Variants in XKR4 observed in about 807,000 individuals in gnomAD.
XKR4 encodes the protein XK related 4.
XKR4 carries 12 observed loss-of-function variants against 53.9 expected under a neutral mutation model. The observed-to-expected ratio is 0.22, with a 90% CI of 0.14 to 0.36. XKR4 has a LOEUF of 0.36. XKR4 is among the 10% of genes least tolerant of loss of function. XKR4 has a pLI of 1.00. For missense variants in XKR4, 799 were observed against 859.5 expected (o/e 0.93, Z 0.88); for synonymous variants, 354 against 362.4 (o/e 0.98, Z 0.26).
At chr8:55,306,685 C>T (rs1819305611) in intron 1 of XKR4, among the ~76,000 whole-genome samples, 1 of 152,194 alleles carries the variant, frequency 6.6e-6, no homozygotes, top group Non-Finnish European at 1.5e-5. Context: ...CCCACCAGGT[C>T]CCTCACACAG....
At chr8:55,188,217 A>C (rs916147271) in intron 1 of XKR4, among the ~76,000 whole-genome samples, 1 of 152,146 alleles carries the variant, frequency 6.6e-6, no homozygotes, top group Non-Finnish European at 1.5e-5. Flanking sequence ...TAATCTTTTA[A>C]AGTTGTTTAG....
chr8:55,351,155 G>A (rs564919774), intron 1 of XKR4, among the ~76,000 whole-genome samples: 7 of 151,884 alleles, frequency 4.6e-5, no homozygotes, highest in Non-Finnish European at 8.8e-5. Flanking sequence ...TAATTAGGAC[G>A]GTAAATTTTA....
intron 2 of XKR4, among the ~76,000 whole-genome samples, chr8:55,361,807 C>T (rs1340245232): frequency 2.0e-5 from 3 of 152,156 alleles, no homozygotes; most frequent in Non-Finnish European, 4.4e-5. Flanking sequence ...TCTCCCACCT[C>T]CAGGCCTTTG....
intron 1 of XKR4, among the ~76,000 whole-genome samples, chr8:55,130,008 G>C (rs957786531): frequency 6.6e-6 from 1 of 152,118 alleles, no homozygotes; most frequent in African/African-American, 2.4e-5. Flanking sequence ...GCGGAGGTGT[G>C]GGGTGTGGGT....
intron 2 of XKR4, among the ~76,000 whole-genome samples, chr8:55,432,705 A>G (rs1805119439): frequency 6.6e-6 from 1 of 152,154 alleles, no homozygotes; most frequent in African/African-American, 2.4e-5. Flanking sequence ...TATTGCTCCC[A>G]TTTCTTCTGG....
intron 1 of XKR4, among the ~76,000 whole-genome samples, chr8:55,349,659 C>A (rs547339676): frequency 6.6e-6 from 1 of 152,190 alleles, no homozygotes; most frequent in South Asian, 2.1e-4. Context: ...ATAATAAATA[C>A]AAGAGGCTAA....
intron 1 of XKR4, among the ~76,000 whole-genome samples, chr8:55,207,701 AC>A (rs1817669886): frequency 8.4e-6 from 1 of 119,350 alleles, no homozygotes; most frequent in African/African-American, 3.2e-5. Flanking sequence ...TAAATGGGAC[AC>A]CAATCCTTGT....
At chr8:55,271,404 T>A (rs1208086902) in intron 1 of XKR4, among the ~76,000 whole-genome samples, 1 of 152,236 alleles carries the variant, frequency 6.6e-6, no homozygotes, top group Admixed American at 6.5e-5. Flanking sequence ...TATCTTTAAC[T>A]ACTTGTTTTG....
rs368298847 is a variant in XKR4, at chr8:55,533,541, C to A, written c.*9314C>A. ...GGGCTCTGTGGAAAGATGTAAATCC[C>A]TCCTGCTGTAAGAGGAGGGAAGGCA... On this transcript the variant is annotated 3_prime_UTR_variant, in exon 3 of 3. Coordinates refer to ENST00000327381, the MANE Select transcript of XKR4 (RefSeq NM_052898.2). 37 of 152,302 alleles carry A rather than the reference C, an allele frequency of 2.4e-4. 1 individual carries two copies. The highest frequency in any genetic ancestry group is 2.3e-3 in the East Asian group (12 of 5,182). 9.4% of individuals were successfully genotyped at this position (152,302 alleles called of 1,614,324 possible).
At chr8:55,435,944 C>T (rs184251300) in intron 2 of XKR4, among the ~76,000 whole-genome samples, 262 of 152,248 alleles carry the variant, frequency 1.7e-3, no homozygotes, top group African/African-American at 4.2e-3. Flanking sequence ...CATCTGAAGA[C>T]GGAAAGACAC....
intron 2 of XKR4, among the ~76,000 whole-genome samples, chr8:55,498,343 T>C (rs1806387665): frequency 1.3e-5 from 2 of 152,310 alleles, no homozygotes; most frequent in South Asian, 4.1e-4. Flanking sequence ...GGTCAGGTCA[T>C]GTGCAGAGGG....
At chr8:55,251,530 G>T (rs182707187) in intron 1 of XKR4, among the ~76,000 whole-genome samples, 1 of 152,290 alleles carries the variant, frequency 6.6e-6, no homozygotes, top group Admixed American at 6.5e-5. Context: ...GATAGAATGG[G>T]TCCTATAGAT....
chr8:55,367,948 TTTTG>T (rs1804016630), intron 2 of XKR4, among the ~76,000 whole-genome samples: 1 of 151,808 alleles, frequency 6.6e-6, no homozygotes, highest in South Asian at 2.1e-4. Context: ...ATGCGTTTTG[TTTTG>T]TTTTTGTTTT....
intron 2 of XKR4, among the ~76,000 whole-genome samples, chr8:55,518,304 T>C (rs1175238506): frequency 1.3e-5 from 2 of 152,164 alleles, no homozygotes; most frequent in Non-Finnish European, 2.9e-5. Flanking sequence ...TAAAGAACCA[T>C]GCAAATCTTT....
intron 2 of XKR4, among the ~76,000 whole-genome samples, chr8:55,407,326 C>T (rs970809980): frequency 6.6e-6 from 1 of 152,208 alleles, no homozygotes; most frequent in Non-Finnish European, 1.5e-5. Flanking sequence ...TCCCAGGAAT[C>T]ACCGCCCCAT....
intron 1 of XKR4, among the ~76,000 whole-genome samples, chr8:55,309,748 T>G (rs997407075): frequency 6.6e-6 from 1 of 152,210 alleles, no homozygotes; most frequent in African/African-American, 2.4e-5. Context: ...AACAATTATC[T>G]CAGTACAATT....
At position 55,523,808 on chromosome 8, in the gene XKR4, T is replaced by G; in HGVS notation, c.1534T>G (p.Phe512Val). 1 of 1,614,226 alleles carries G rather than the reference T, an allele frequency of 6.2e-7. No homozygotes were observed. Among genetic ancestry groups the G allele is most frequent in the Non-Finnish European group, 8.5e-7 (1 of 1,180,040 alleles). Residue 512 changes from phenylalanine to valine, a missense_variant, in exon 3 of 3, where the codon TTC becomes GTC. By Grantham distance (50) the Phe-to-Val change is conservative (BLOSUM62 -1). Transcript: ENST00000327381. ...GVVFMLMYYA[F>V]FHPNGPRFGQ... ...TGTTTTTATGCTGATGTATTATGCC[T>G]TCTTTCATCCCAATGGACCCAGATT...
intron 1 of XKR4, among the ~76,000 whole-genome samples, chr8:55,169,177 C>G (rs1279171224): frequency 1.3e-5 from 2 of 152,162 alleles, no homozygotes; most frequent in African/African-American, 4.8e-5. Flanking sequence ...TTGTTCTTAG[C>G]CATTTGCAAG....
chr8:55,398,537 G>A (rs1010612161), intron 2 of XKR4, among the ~76,000 whole-genome samples: 2 of 152,180 alleles, frequency 1.3e-5, no homozygotes, highest in Admixed American at 6.5e-5. Context: ...AGGAGGATGA[G>A]TTCCTCCACA....
Sources: gnomAD v4.1 joint callset for allele counts (sites outside exome capture counted in the v4.1 genomes callset) on GRCh38, gnomAD v4.1.1 for gene constraint, MANE v1.5 for transcripts, NCBI Gene and HGNC (gene_info 2026-07-23, HGNC 2026-07-21) for gene names.